Variants in GOLGA4 observed in about 807,000 individuals in gnomAD.
The protein encoded by GOLGA4 is golgin subfamily A member 4.
In GOLGA4, 169 loss-of-function variants were observed where a neutral mutation model predicts 265.9. That is an observed-to-expected ratio of 0.64 (90% CI 0.56 to 0.72). GOLGA4 has a LOEUF of 0.72. Ranked by LOEUF, GOLGA4 falls within the 30% of genes least tolerant of loss-of-function variation. The pLI is 0.00. For missense variants in GOLGA4, 2,482 were observed against 2,483.4 expected, an observed-to-expected ratio of 1.00 and a Z score of 0.01; for synonymous variants, 923 against 855.8, an observed-to-expected ratio of 1.08 and a Z score of -1.37.
At chr3:37,348,833 C>G (rs981251964) in intron 21 of GOLGA4, among the ~76,000 whole-genome samples, 8 of 152,122 alleles carry the variant, frequency 5.3e-5, no homozygotes, top group African/African-American at 1.9e-4. Flanking sequence ...AGCTACGGAG[C>G]TTAACTACCC....
intron 10 of GOLGA4, among the ~76,000 whole-genome samples, chr3:37,303,159 C>T (rs1267074171): frequency 6.6e-6 from 1 of 152,150 alleles, no homozygotes; most frequent in Non-Finnish European, 1.5e-5. Context: ...AAGGAACTGA[C>T]TATTGAAATC....
intron 23 of GOLGA4, among the ~76,000 whole-genome samples, chr3:37,363,387 TGCA>T (rs1301981829): frequency 6.6e-6 from 1 of 152,232 alleles, no homozygotes; most frequent in African/African-American, 2.4e-5. Context: ...ATGTATATTG[TGCA>T]GCATTTCTAT....
In GOLGA4 at chr3:37,361,357, C is replaced by T. The variant is rs553864528; in HGVS notation, c.*33+52C>T. 3 of 1,230,736 alleles carry T rather than the reference C, an allele frequency of 2.4e-6. No homozygotes were observed. In the Admixed American group the frequency reaches 5.2e-5, roughly 21 times the overall value. 76.2% of individuals were successfully genotyped at this position (1,230,736 alleles called of 1,614,324 possible). ...TTTTGTGCAAAAATCAAATGTGTTG[C>T]CTGATACTAACCATTTTGCTGGAAT... On this transcript the variant is annotated intron_variant, in intron 23 of 23. Transcript: ENST00000361924.
Position 37,295,059 on chromosome 3 carries a change from C to G in GOLGA4, c.663C>G (p.Ile221Met). 6.3e-7 allele frequency: 1 copy of G among 1,575,246 alleles called. No homozygotes were observed. Among genetic ancestry groups the G allele is most frequent in the Non-Finnish European group, 8.7e-7 (1 of 1,155,196 alleles). The change falls in exon 6 of 24, where the codon ATC (isoleucine) becomes ATG (methionine). Residue 221 changes from isoleucine to methionine, a missense_variant. Ile to Met is a conservative substitution (Grantham distance 10, BLOSUM62 1). This residue lies in a region of GOLGA4 where 1,536 missense variants were observed against 1,483.7 expected (regional missense o/e 1.04). Transcript: ENST00000361924. ...DASLEEKDQYISVLQTQVSLL... is the reference protein window; with the variant it reads ...DASLEEKDQYMSVLQTQVSLL... ...CTTTAGAGGAGAAAGATCAGTATAT[C>G]AGTGTTCTCCAAACTCAGGTAAAAG...
chr3:37,278,355 A>T (rs976741898), intron 2 of GOLGA4, among the ~76,000 whole-genome samples: 2 of 151,976 alleles, frequency 1.3e-5, no homozygotes, highest in Admixed American at 1.3e-4. Context: ...ACCTGACACC[A>T]CGCCTGGCTA....
At position 37,327,270 on chromosome 3, in the gene GOLGA4, G is replaced by A. The variant is rs1385028255; in HGVS notation, c.5384G>A (p.Gly1795Asp). 4 of 1,613,370 alleles carry A rather than the reference G, an allele frequency of 2.5e-6. No individual in the cohort carries two copies. The highest frequency in any genetic ancestry group is 1.1e-5 in the South Asian group (1 of 91,056). The change falls in exon 14 of 24, where the codon GGT becomes GAT. Residue 1795 changes from glycine to aspartate, a missense_variant. Physicochemically the swap from Gly to Asp is moderately conservative, Grantham distance 94. Around this residue, in one of 3 missense-constraint regions of GOLGA4, gnomAD observed 942 missense variants for 983.1 expected, o/e 0.96. Transcript: ENST00000361924. ...CAACATGAAGATCAAAGTATGATAG[G>A]TCATCTTCAAGAGGAGCTTGAAGAA... ...AKQHEDQSMI[G>D]HLQEELEEKN...
In GOLGA4 at chr3:37,324,459, C is replaced by T; in HGVS notation, c.2573C>T (p.Ala858Val). 6.2e-7 allele frequency: 1 copy of T among 1,614,080 alleles called. No individual in the cohort carries two copies. Among genetic ancestry groups the T allele is most frequent in the Non-Finnish European group, 8.5e-7 (1 of 1,179,986 alleles). ...QKKDVCTELDAHKIQVQDLMQ... is the reference protein window; with the variant it reads ...QKKDVCTELDVHKIQVQDLMQ... Reference sequence around the variant, plus strand: ...AAAGATGTTTGTACTGAGTTAGATGCTCACAAAATCCAGGTGCAGGACTTA... The same window carrying T: ...AAAGATGTTTGTACTGAGTTAGATGTTCACAAAATCCAGGTGCAGGACTTA... The change falls in exon 14 of 24, where the codon GCT (alanine) becomes GTT (valine). Residue 858 changes from alanine to valine, a missense_variant. Around this residue, in one of 3 missense-constraint regions of GOLGA4, gnomAD observed 1,536 missense variants for 1,483.7 expected, o/e 1.04. Coordinates refer to ENST00000361924, the MANE Select transcript of GOLGA4 (RefSeq NM_002078.5).
At chr3:37,260,490 G>A (rs930924125) in intron 2 of GOLGA4, among the ~76,000 whole-genome samples, 6 of 152,092 alleles carry the variant, frequency 3.9e-5, no homozygotes, top group Non-Finnish European at 7.4e-5. Flanking sequence ...TAAAAACTTA[G>A]CTAGGTATGT....
chr3:37,274,862 T>C (rs73059490), intron 2 of GOLGA4, among the ~76,000 whole-genome samples: 1 of 152,130 alleles, frequency 6.6e-6, no homozygotes, highest in Admixed American at 6.5e-5. Context: ...AGTTGATTTA[T>C]GAGCTGAATG....
intron 18 of GOLGA4, among the ~76,000 whole-genome samples, chr3:37,337,398 A>G (rs554261975): frequency 1.3e-5 from 2 of 151,508 alleles, no homozygotes; most frequent in South Asian, 4.2e-4. Flanking sequence ...TTTAGTAGAG[A>G]TGGGGTTTTG....
rs778140251 is a variant in GOLGA4 at position 37,328,976 on chromosome 3, G to A, written c.6075G>A (p.Glu2025=). ...TTTATTTATTAGATAAGGCCCAGGA[G>A]GTGGAGGCTGAACTTTTAGAAAGCC... ...TIKETINKAQ[E]VEAELLESHQ... Residue 2025 remains glutamate, a synonymous_variant, in exon 16 of 24, where the codon GAG becomes GAA. Coordinates refer to ENST00000361924, the MANE Select transcript of GOLGA4 (RefSeq NM_002078.5). 125 of 1,604,222 alleles carry A rather than the reference G, an allele frequency of 7.8e-5. No homozygotes were observed. Among genetic ancestry groups the A allele is most frequent in the Non-Finnish European group, 9.9e-5 (117 of 1,176,358 alleles).
chr3:37,326,139 C>G lies in GOLGA4; in HGVS notation c.4253C>G (p.Ser1418Cys), dbSNP rs2096970034. 2 of 1,613,652 alleles carry G rather than the reference C, an allele frequency of 1.2e-6. No individual in the cohort carries two copies. Among genetic ancestry groups the G allele is most frequent in the East Asian group, 4.5e-5 (2 of 44,846 alleles). ...CELLDQVQDL[S>C]FKVDTLSKEK... is the part of the protein sequence containing the mutation. ...TTGCTGGATCAGGTGCAAGATTTAT[C>G]TTTTAAAGTTGACACTCTGAGTAAA... Residue 1418 changes from serine to cysteine, a missense_variant, in exon 14 of 24, where the codon TCT (serine) becomes TGT (cysteine). Transcript: ENST00000361924.
At chr3:37,316,134 T>TA (rs2096936959) in intron 11 of GOLGA4, among the ~76,000 whole-genome samples, 1 of 152,028 alleles carries the variant, frequency 6.6e-6, no homozygotes, top group African/African-American at 2.4e-5. Flanking sequence ...TTTTCAGAAA[T>TA]ATGAACATGT....
In GOLGA4 at chr3:37,325,604, A is replaced by G. The variant is rs2096967855; in HGVS notation, c.3718A>G (p.Ser1240Gly). 1.2e-6 allele frequency: 2 copies of G among 1,610,470 alleles called. No individual in the cohort carries two copies. Among genetic ancestry groups the G allele is most frequent in the Non-Finnish European group, 8.5e-7 (1 of 1,176,620 alleles). ...AACAAATGAGCTAATCAACATTAGTAGTAGTAAAACTAATGCCATTCTTTC... is the reference window on the plus strand; with the variant it reads ...AACAAATGAGCTAATCAACATTAGTGGTAGTAAAACTAATGCCATTCTTTC... The part of the protein sequence containing the change: ...AKTNELINIS[S>G]SKTNAILSRI... Residue 1240 changes from serine to glycine, a missense_variant, in exon 14 of 24, where the codon AGT (serine) becomes GGT (glycine). By Grantham distance (56) the Ser-to-Gly change is moderately conservative (BLOSUM62 0). This residue lies in a region of GOLGA4 where 1,536 missense variants were observed against 1,483.7 expected (regional missense o/e 1.04). Coordinates refer to ENST00000361924, the MANE Select transcript of GOLGA4 (RefSeq NM_002078.5).
rs555064164 is a variant in GOLGA4 at position 37,353,845 on chromosome 3, A to C, written c.6577-1256A>C. Among the ~76,000 whole-genome samples, 3 of 152,116 alleles carry C rather than the reference A, an allele frequency of 2.0e-5. No individual in the cohort carries two copies. In the East Asian group the frequency reaches 5.8e-4, roughly 29 times the overall value. On this transcript the variant is annotated intron_variant, in intron 21 of 23. Transcript: ENST00000361924. Reference sequence around the variant, plus strand: ...AGGACTCAAGCGATCCTCCCACCTCAGTCTCCCAAAGTGTTGGGATTACAG... The same window carrying C: ...AGGACTCAAGCGATCCTCCCACCTCCGTCTCCCAAAGTGTTGGGATTACAG...
chr3:37,284,330 T>A (rs534623618), intron 3 of GOLGA4, among the ~76,000 whole-genome samples: 1 of 152,270 alleles, frequency 6.6e-6, no homozygotes, highest in South Asian at 2.1e-4. Context: ...AGTGGCGTGA[T>A]CTCGGCTCAC....
At chr3:37,243,741 T>TTG in intron 1 of GOLGA4, 119 bp downstream of exon 1, 1 of 791,034 alleles carries the variant, frequency 1.3e-6, no homozygotes, top group Non-Finnish European at 2.0e-6. Flanking sequence ...AACCCGCACT[T>TTG]TTCCCAAACT....
rs965509586 is a variant in GOLGA4, at chr3:37,243,417, C to T, written c.-134C>T. On this transcript the variant is annotated 5_prime_UTR_variant, in exon 1 of 24. The change creates a premature stop within an existing upstream ORF in the 5' untranslated region. Coordinates refer to ENST00000361924, the MANE Select transcript of GOLGA4 (RefSeq NM_002078.5). Reference sequence around the variant, plus strand: ...GAGTGTCCGGACTTGCCCACAGCCTCAAGGAGGAGACGGCGAGGCCCGGCC... The same window carrying T: ...GAGTGTCCGGACTTGCCCACAGCCTTAAGGAGGAGACGGCGAGGCCCGGCC... The T allele has an allele frequency of 1.3e-5, 10 of 755,936 alleles. No homozygotes were observed. The Admixed American group carries it at 2.0e-4, about 15-fold the overall frequency. 46.8% of individuals were successfully genotyped at this position (755,936 alleles called of 1,614,324 possible). A position where few individuals can be genotyped will look rare whatever the true frequency, so the allele number is the denominator to read the frequency against.
intron 13 of GOLGA4, among the ~76,000 whole-genome samples, chr3:37,322,574 A>G (rs2150954693): frequency 6.6e-6 from 1 of 152,242 alleles, no homozygotes; most frequent in South Asian, 2.1e-4. Context: ...AACACTTGCA[A>G]AAGGTTCCAT....
Sources: allele counts gnomAD v4.1 joint callset (sites outside exome capture counted in the v4.1 genomes callset), GRCh38; gene constraint gnomAD v4.1.1; regional missense constraint gnomAD v4.1.1; transcripts MANE v1.5; gene names NCBI Gene and HGNC (gene_info 2026-07-23, HGNC 2026-07-21).